TNFAIP8L3: variants seen among roughly 807,000 people sequenced by gnomAD.
TNFAIP8L3 encodes TNF alpha induced protein 8 like 3, also known as tumor necrosis factor alpha-induced protein 8-like protein 3.
Under a neutral mutation model 11.8 loss-of-function variants are expected in TNFAIP8L3, and 7 were observed. The observed-to-expected ratio is 0.59, with a 90% CI of 0.34 to 1.11. The LOEUF is 1.11. Among genes scored for constraint, TNFAIP8L3 ranks in the 50% most tolerant of loss-of-function variants. The pLI, the probability that TNFAIP8L3 is intolerant of heterozygous loss-of-function variation, is 0.03. For synonymous variants in TNFAIP8L3, 98 were observed against 103.8 expected, an observed-to-expected ratio of 0.94 and a Z score of 0.34; for missense variants, 219 against 258.6, an observed-to-expected ratio of 0.85 and a Z score of 1.05.
intron 1 of TNFAIP8L3, among the ~76,000 whole-genome samples, chr15:51,069,286 G>A (rs769051908): frequency 6.6e-6 from 1 of 152,134 alleles, no homozygotes; most frequent in Non-Finnish European, 1.5e-5. Flanking sequence ...GGCTAGGAAT[G>A]GGGATTTGTG....
At chr15:51,083,431 A>C (rs1209500603) in intron 1 of TNFAIP8L3, among the ~76,000 whole-genome samples, 1 of 152,210 alleles carries the variant, frequency 6.6e-6, no homozygotes, top group Non-Finnish European at 1.5e-5. Flanking sequence ...TAGGTAAATG[A>C]AAATGTGGGA....
chr15:51,072,148 A>T (rs1030530706), intron 1 of TNFAIP8L3, among the ~76,000 whole-genome samples: 20 of 149,844 alleles, frequency 1.3e-4, no homozygotes, highest in African/African-American at 4.7e-4. Flanking sequence ...ACAGAAAGCT[A>T]TTTTTTTTTT....
upstream of TNFAIP8L3, among the ~76,000 whole-genome samples, chr15:51,099,092 A>T (rs553148786): frequency 6.6e-6 from 1 of 152,364 alleles, no homozygotes; most frequent in African/African-American, 2.4e-5. Context: ...CAAGACTTTA[A>T]GGTTATCAAG....
chr15:51,070,147 GTGTT>G (rs1415275288), intron 1 of TNFAIP8L3, among the ~76,000 whole-genome samples: 1 of 152,224 alleles, frequency 6.6e-6, no homozygotes, highest in African/African-American at 2.4e-5. Context: ...AAGTGAATGA[GTGTT>G]TGATAATTTT....
At chr15:51,090,919 C>G (rs1351363480) in intron 1 of TNFAIP8L3, among the ~76,000 whole-genome samples, 1 of 138,506 alleles carries the variant, frequency 7.2e-6, no homozygotes, top group Non-Finnish European at 1.6e-5. Context: ...TCTTGATCTT[C>G]CAAGCCAGAA....
At chr15:51,094,924 C>T (rs1245812813), upstream of TNFAIP8L3, among the ~76,000 whole-genome samples, 2 of 151,670 alleles carry the variant, frequency 1.3e-5, no homozygotes, top group African/African-American at 4.8e-5. The surrounding 1 kb of genome is among the most constrained non-coding windows in gnomAD (Gnocchi z 4.4). Flanking sequence ...GGGCTCCAGG[C>T]TGGGGTTAAA....
At chr15:51,085,616 C>T (rs1040062871) in intron 1 of TNFAIP8L3, among the ~76,000 whole-genome samples, 4 of 145,806 alleles carry the variant, frequency 2.7e-5, no homozygotes, top group Admixed American at 6.9e-5. Flanking sequence ...GGAATAGCTC[C>T]GATTCTTTTT....
chr15:51,077,562 G>A (rs1285871479), intron 1 of TNFAIP8L3, among the ~76,000 whole-genome samples: 2 of 152,166 alleles, frequency 1.3e-5, no homozygotes, highest in Non-Finnish European at 2.9e-5. Flanking sequence ...GTTCCGAGAG[G>A]GGAGACCTTT....
chr15:51,072,854 T>G (rs1279260099), intron 1 of TNFAIP8L3, among the ~76,000 whole-genome samples: 1 of 152,128 alleles, frequency 6.6e-6, no homozygotes, highest in Admixed American at 6.6e-5. Flanking sequence ...CAAAGGGAAG[T>G]GCCCCTCCTC....
intron 1 of TNFAIP8L3, among the ~76,000 whole-genome samples, chr15:51,090,321 C>T (rs1429593763): frequency 6.6e-6 from 1 of 152,216 alleles, no homozygotes; most frequent in Non-Finnish European, 1.5e-5. Context: ...CTTAGTGCCA[C>T]TACCTTCTCT....
intron 1 of TNFAIP8L3, among the ~76,000 whole-genome samples, chr15:51,063,167 G>A (rs1057425456): frequency 1.3e-5 from 2 of 152,168 alleles, no homozygotes; most frequent in African/African-American, 4.8e-5. Flanking sequence ...AATATAAAAT[G>A]ATAAATTGGT....
chr15:51,093,330 G>A (rs949223330), intron 1 of TNFAIP8L3, among the ~76,000 whole-genome samples: 4 of 152,204 alleles, frequency 2.6e-5, no homozygotes, highest in African/African-American at 4.8e-5. Flanking sequence ...GGGCGTCACT[G>A]GGTCCTGGCT....
chr15:51,072,843 C>G (rs981313254), intron 1 of TNFAIP8L3, among the ~76,000 whole-genome samples: 1 of 151,996 alleles, frequency 6.6e-6, no homozygotes, highest in Non-Finnish European at 1.5e-5. Flanking sequence ...TCATGATAGT[C>G]CAAAGGGAAG....
intron 1 of TNFAIP8L3, among the ~76,000 whole-genome samples, chr15:51,079,481 A>G (rs576238782): frequency 1.3e-5 from 2 of 152,276 alleles, no homozygotes; most frequent in South Asian, 2.1e-4. Flanking sequence ...GCTTGAATGC[A>G]TGGCTCTCAC....
intron 1 of TNFAIP8L3, among the ~76,000 whole-genome samples, chr15:51,074,047 C>T (rs998790697): frequency 2.0e-5 from 3 of 152,316 alleles, no homozygotes; most frequent in Middle Eastern, 3.4e-3. Context: ...ATTTACTATA[C>T]TGGTGAATTC....
At chr15:51,086,020 T>C (rs1036980158) in intron 1 of TNFAIP8L3, among the ~76,000 whole-genome samples, 2 of 152,188 alleles carry the variant, frequency 1.3e-5, no homozygotes, top group African/African-American at 4.8e-5. Flanking sequence ...TCAAGTTCTT[T>C]TCACTATGTT....
At chr15:51,102,616 A>C (rs2065562709) in intron 1 of TNFAIP8L3, among the ~76,000 whole-genome samples, 2 of 152,186 alleles carry the variant, frequency 1.3e-5, no homozygotes, top group African/African-American at 4.8e-5. Flanking sequence ...TAACCCCATC[A>C]CTTTAGATAT....
chr15:51,059,864 C>T (rs2065231744), intron 1 of TNFAIP8L3, among the ~76,000 whole-genome samples: 1 of 152,248 alleles, frequency 6.6e-6, no homozygotes, highest in South Asian at 2.1e-4. Context: ...TTCTGTTGTC[C>T]TTGTCTGGTC....
chr15:51,068,329 T>A (rs1173916631), intron 1 of TNFAIP8L3, among the ~76,000 whole-genome samples: 1 of 152,074 alleles, frequency 6.6e-6, no homozygotes. Context: ...ATCCCTGAGT[T>A]CCAGGTACCC....
Sources: allele counts gnomAD v4.1 joint callset (sites outside exome capture counted in the v4.1 genomes callset), GRCh38; gene constraint gnomAD v4.1.1; non-coding constraint Gnocchi (gnomAD v3.1); transcripts MANE v1.5; gene names NCBI Gene and HGNC (gene_info 2026-07-23, HGNC 2026-07-21).